The following TENM3 variants were observed in gnomAD, a reference collection of about 807,000 sequenced individuals.
The protein encoded by TENM3 is teneurin-3.
In TENM3, 63 loss-of-function variants were observed where a neutral mutation model predicts 255.1. The ratio of observed to expected loss-of-function variants is 0.25; its 90% confidence interval spans 0.20 to 0.30. The LOEUF (loss-of-function observed/expected upper bound fraction) is 0.30, where lower values mean the gene tolerates loss of function less well. Ranked by LOEUF, TENM3 falls within the 10% of genes least tolerant of loss-of-function variation. TENM3 has a pLI of 1.00. For missense variants in TENM3, 2,929 were observed against 3,461.1 expected (o/e 0.85, Z 3.86); for synonymous variants, 1,306 against 1,322.3 (o/e 0.99, Z 0.27).
At chr4:182,741,596 T>C (rs539533294) in intron 18 of TENM3, among the ~76,000 whole-genome samples, 2 of 152,352 alleles carry the variant, frequency 1.3e-5, no homozygotes, top group South Asian at 4.1e-4. Flanking sequence ...CTGGCTCTTA[T>C]AGGAAATTAT....
the TENM3 span, among the ~76,000 whole-genome samples, chr4:181,663,013 A>T: frequency 1.3e-5 from 2 of 152,114 alleles, no homozygotes; most frequent in East Asian, 3.9e-4. Flanking sequence ...CTACTGATAA[A>T]TTGGCCAGAA....
the TENM3 span, among the ~76,000 whole-genome samples, chr4:181,791,694 A>G: frequency 6.6e-5 from 10 of 152,182 alleles, no homozygotes; most frequent in Admixed American, 6.5e-4. Flanking sequence ...TGTGAACGTG[A>G]TTTTACTAAT....
At chr4:181,953,918 CTT>C in the TENM3 span, among the ~76,000 whole-genome samples, 1 of 152,148 alleles carries the variant, frequency 6.6e-6, no homozygotes, top group South Asian at 2.1e-4. Context: ...TGAACGTTTT[CTT>C]GTGACCCTTC....
intron 3 of TENM3, among the ~76,000 whole-genome samples, chr4:182,365,521 G>A (rs1766374403): frequency 1.3e-5 from 2 of 152,210 alleles, no homozygotes; most frequent in Admixed American, 6.5e-5. Flanking sequence ...GATGCCGCCT[G>A]TACACTTTTT....
At chr4:182,018,255 G>A in the TENM3 span, among the ~76,000 whole-genome samples, 1 of 152,064 alleles carries the variant, frequency 6.6e-6, no homozygotes, top group Non-Finnish European at 1.5e-5. Flanking sequence ...AAGATCCTTC[G>A]CCTTCTGTCC....
chr4:182,056,107 T>C, the TENM3 span, among the ~76,000 whole-genome samples: 1 of 152,062 alleles, frequency 6.6e-6, no homozygotes. Flanking sequence ...GTGGTAAATG[T>C]CAGTGTCCCC....
chr4:181,747,352 C>T, the TENM3 span, among the ~76,000 whole-genome samples: 10 of 152,008 alleles, frequency 6.6e-5, no homozygotes, highest in Non-Finnish European at 1.0e-4. Flanking sequence ...AAAATGAAAT[C>T]GAAGTTTTTA....
At chr4:181,600,065 A>G in the TENM3 span, among the ~76,000 whole-genome samples, 4 of 152,198 alleles carry the variant, frequency 2.6e-5, no homozygotes, top group Admixed American at 6.5e-5. Context: ...TTATTTTCAG[A>G]CTTATACAGC....
intron 3 of TENM3, among the ~76,000 whole-genome samples, chr4:182,567,074 G>A (rs78425719): frequency 0.014 from 2,128 of 152,280 alleles, 34 homozygotes; most frequent in Non-Finnish European, 0.02. Context: ...CTTCTAAATA[G>A]AGAGGTAAAT....
intron 3 of TENM3, among the ~76,000 whole-genome samples, chr4:182,536,346 A>G (rs1453391952): frequency 2.0e-5 from 3 of 152,252 alleles, no homozygotes; most frequent in Non-Finnish European, 4.4e-5. Context: ...ATGTTCTAGC[A>G]GTAGGACTGA....
the TENM3 span, among the ~76,000 whole-genome samples, chr4:181,630,377 C>T: frequency 1.4e-4 from 21 of 152,092 alleles, no homozygotes; most frequent in Non-Finnish European, 2.5e-4. Flanking sequence ...TTGCCTTCCG[C>T]TAGCTTTTGA....
chr4:182,656,051 A>C (rs1227823888), intron 6 of TENM3, among the ~76,000 whole-genome samples: 2 of 152,206 alleles, frequency 1.3e-5, no homozygotes, highest in African/African-American at 2.4e-5. Flanking sequence ...GGGGGACTGA[A>C]GTTCCCCCAA....
At chr4:182,221,052 C>A in intron 1 of TENM3, among the ~76,000 whole-genome samples, 1 of 152,266 alleles carries the variant, frequency 6.6e-6, no homozygotes, top group Admixed American at 6.5e-5. Context: ...CGATGAAAAG[C>A]ATGGTTGTTC....
At chr4:182,095,004 A>G in the TENM3 span, among the ~76,000 whole-genome samples, 13 of 152,290 alleles carry the variant, frequency 8.5e-5, no homozygotes, top group Admixed American at 8.5e-4. Flanking sequence ...AAGGGATTCA[A>G]GAGAAAGTGA....
chr4:182,354,009 A>C (rs894388182), intron 3 of TENM3, among the ~76,000 whole-genome samples: 1 of 152,178 alleles, frequency 6.6e-6, no homozygotes, highest in Non-Finnish European at 1.5e-5. Context: ...ATCCTAAAAA[A>C]TTTAGTATTA....
the TENM3 span, among the ~76,000 whole-genome samples, chr4:181,645,892 G>GT: frequency 6.6e-6 from 1 of 152,106 alleles, no homozygotes; most frequent in Admixed American, 6.5e-5. Context: ...CTTGCACATC[G>GT]TTTTTTGTCT....
In TENM3 at chr4:182,403,011, A is replaced by G. The variant is rs531203566; in HGVS notation, c.511+56082A>G. 4.4e-4 allele frequency among the ~76,000 whole-genome samples: 67 copies of G among 152,354 alleles called. 1 individual carries two copies. The Middle Eastern group carries it at 0.02, about 46-fold the overall frequency. On this transcript the variant is annotated intron_variant, in intron 3 of 27. Transcript: ENST00000511685. ...CTCAGATATTTTTGGTCACAGTTCAATTATTTCAAAATTATTTTTAGGTTT... is the reference window on the plus strand; with the variant it reads ...CTCAGATATTTTTGGTCACAGTTCAGTTATTTCAAAATTATTTTTAGGTTT...
chr4:182,214,510 T>TTTATTTA (rs1464213450), intron 1 of TENM3, among the ~76,000 whole-genome samples: 2 of 129,186 alleles, frequency 1.5e-5, no homozygotes, highest in African/African-American at 3.1e-5. Flanking sequence ...ATTCTATTTA[T>TTTATTTA]TGTATTTATT....
chr4:181,658,572 C>T, the TENM3 span, among the ~76,000 whole-genome samples: 1 of 152,192 alleles, frequency 6.6e-6, no homozygotes, highest in African/African-American at 2.4e-5. Context: ...ATTTTATTTG[C>T]TGCATACAAA....
Sources: gnomAD v4.1 joint callset for allele counts (sites outside exome capture counted in the v4.1 genomes callset) on GRCh38, gnomAD v4.1.1 for gene constraint, MANE v1.5 for transcripts, NCBI Gene and HGNC (gene_info 2026-07-23, HGNC 2026-07-21) for gene names.